ITGB8: variants seen among roughly 807,000 people sequenced by gnomAD.
ITGB8 encodes integrin beta-8.
ITGB8 carries 30 observed loss-of-function variants against 89.5 expected under a neutral mutation model. The observed-to-expected ratio is 0.34, with a 90% CI of 0.25 to 0.45. The LOEUF is 0.45. Among genes scored for constraint, ITGB8 ranks in the 20% least tolerant of loss-of-function variants. ITGB8 has a pLI of 1.00. For synonymous variants in ITGB8, 335 were observed against 320.4 expected (o/e 1.05, Z -0.49); for missense variants, 836 against 933.3 (o/e 0.90, Z 1.36).
At chr7:20,398,152 T>C (rs1787165571) in intron 8 of ITGB8, among the ~76,000 whole-genome samples, 1 of 152,208 alleles carries the variant, frequency 6.6e-6, no homozygotes, top group Non-Finnish European at 1.5e-5. Flanking sequence ...TGAATGAGTG[T>C]ATACATGGGT....
chr7:20,393,158 C>G (rs1193193412), intron 7 of ITGB8, among the ~76,000 whole-genome samples: 1 of 152,158 alleles, frequency 6.6e-6, no homozygotes, highest in East Asian at 1.9e-4. Context: ...TTTGAAATAC[C>G]ATGCAGCTTT....
chr7:20,372,192 G>A (rs1393890605), intron 3 of ITGB8, among the ~76,000 whole-genome samples: 2 of 152,088 alleles, frequency 1.3e-5, no homozygotes, highest in Non-Finnish European at 2.9e-5. Flanking sequence ...AAAATTATAA[G>A]TTGCATTTTT....
chr7:20,335,338 A>G (rs1348952081), intron 1 of ITGB8, among the ~76,000 whole-genome samples: 1 of 152,274 alleles, frequency 6.6e-6, no homozygotes, highest in East Asian at 1.9e-4. Context: ...TAGTTCTATT[A>G]TAGTTCCATT....
intron 1 of ITGB8, among the ~76,000 whole-genome samples, chr7:20,332,927 T>TC (rs1287404500): frequency 1.3e-5 from 2 of 148,586 alleles, no homozygotes; most frequent in African/African-American, 2.4e-5. Flanking sequence ...CATACTTTCT[T>TC]TTTTTTTTTT....
At chr7:20,349,838 A>G (rs969148111) in intron 1 of ITGB8, among the ~76,000 whole-genome samples, 1 of 152,190 alleles carries the variant, frequency 6.6e-6, no homozygotes, top group Non-Finnish European at 1.5e-5. Flanking sequence ...ATCTCAGTTA[A>G]TTTACAGTGC....
In ITGB8 at chr7:20,411,553, G is replaced by T. The variant is rs780923686; in HGVS notation, c.*1556G>T. ...GTGATAAAGTGGCCACATTGGAAAG[G>T]AGTTTTTATCTTCTCATTGTCAGGC... On this transcript the variant is annotated 3_prime_UTR_variant, in exon 14 of 14. Coordinates refer to ENST00000222573, the MANE Select transcript of ITGB8 (RefSeq NM_002214.3). The T allele has an allele frequency of 6.6e-6, 1 of 152,564 alleles. No individual in the cohort carries two copies. The highest frequency in any genetic ancestry group is 1.5e-5 in the Non-Finnish European group (1 of 68,034). The allele number at this position is 152,564 out of a possible 1,614,324, so 9.5% of individuals were successfully genotyped here.
chr7:20,389,420 T>G (rs772531564), intron 6 of ITGB8, among the ~76,000 whole-genome samples: 1 of 152,228 alleles, frequency 6.6e-6, no homozygotes, highest in Non-Finnish European at 1.5e-5. Context: ...TAGAACTTTC[T>G]AGATTTAAGT....
chr7:20,401,175 C>T (rs890594106), intron 9 of ITGB8, among the ~76,000 whole-genome samples: 10 of 152,090 alleles, frequency 6.6e-5, no homozygotes, highest in Non-Finnish European at 1.0e-4. Context: ...GATAGGGTTT[C>T]ACCATGTTGG....
chr7:20,397,919 C>T (rs1382902338), intron 8 of ITGB8, among the ~76,000 whole-genome samples: 1 of 151,908 alleles, frequency 6.6e-6, no homozygotes, highest in Non-Finnish European at 1.5e-5. Context: ...CCGCTGCTCA[C>T]TCTCTTTCTT....
rs1194575104 is a variant in ITGB8, at chr7:20,412,504, G to C, written c.*2507G>C. The C allele has an allele frequency of 1.3e-5, 2 of 152,474 alleles. No homozygotes were observed. Among genetic ancestry groups the C allele is most frequent in the Non-Finnish European group, 2.9e-5 (2 of 67,994 alleles). 9.4% of individuals were successfully genotyped at this position (152,474 alleles called of 1,614,324 possible). On this transcript the variant is annotated 3_prime_UTR_variant, in exon 14 of 14. Coordinates refer to ENST00000222573, the MANE Select transcript of ITGB8 (RefSeq NM_002214.3). ...CCGTATGGAATGAATTATCCAAAAAGAGTATAACAAAATGAAATCCTTAAA... is the reference window on the plus strand; with the variant it reads ...CCGTATGGAATGAATTATCCAAAAACAGTATAACAAAATGAAATCCTTAAA...
chr7:20,368,986 C>T lies in ITGB8; in HGVS notation c.388+1800C>T, dbSNP rs190380169. On this transcript the variant is annotated intron_variant, in intron 3 of 13. Transcript: ENST00000222573. Reference sequence around the variant, plus strand: ...AGGATCTTAATCCAGGCCATCGCCCCTTTCAGCACACATGTAATTCAATTA... The same window carrying T: ...AGGATCTTAATCCAGGCCATCGCCCTTTTCAGCACACATGTAATTCAATTA... 1.1e-4 allele frequency among the ~76,000 whole-genome samples: 17 copies of T among 152,282 alleles called. No individual in the cohort carries two copies. In the East Asian group the frequency reaches 2.9e-3, roughly 26 times the overall value.
intron 6 of ITGB8, among the ~76,000 whole-genome samples, chr7:20,385,559 G>A (rs1326658715): frequency 1.3e-5 from 2 of 152,180 alleles, no homozygotes; most frequent in African/African-American, 2.4e-5. Flanking sequence ...ATAGCATGGA[G>A]GCAGAATTGC....
chr7:20,411,943 T>G lies in ITGB8; in HGVS notation c.*1946T>G, dbSNP rs2127990107. 1 of 152,750 alleles carries G rather than the reference T, an allele frequency of 6.5e-6. No individual in the cohort carries two copies. The highest frequency in any genetic ancestry group is 1.5e-5 in the Non-Finnish European group (1 of 68,034). The allele number at this position is 152,750 out of a possible 1,614,324, so 9.5% of individuals were successfully genotyped here. The stretch of plus-strand genomic sequence containing the variant: ...TTATCCCTATGGACTTAGTCTGATT[T>G]TATTGGCTAGGAGTCTAACAGTCCT... On this transcript the variant is annotated 3_prime_UTR_variant, in exon 14 of 14. Coordinates refer to ENST00000222573, the MANE Select transcript of ITGB8 (RefSeq NM_002214.3).
Position 20,410,223 on chromosome 7 carries a change from TTG to T in ITGB8, c.*228_*229del, listed in dbSNP as rs879146601. 102 of 497,940 alleles carry T rather than the reference TTG, an allele frequency of 2.0e-4. 1 individual carries two copies. The South Asian group carries it at 2.3e-3, about 11-fold the overall frequency. 30.8% of individuals were successfully genotyped at this position (497,940 alleles called of 1,614,324 possible). ...TTACTACTGTTTGAGACTAGTGTCG[TTG>T]TAGCACTTTACTGTAATATATAACT... On this transcript the variant is annotated 3_prime_UTR_variant, in exon 14 of 14. Coordinates refer to ENST00000222573, the MANE Select transcript of ITGB8 (RefSeq NM_002214.3).
chr7:20,405,053 C>G (rs1307622935), intron 11 of ITGB8, among the ~76,000 whole-genome samples, 200 bp downstream of exon 11: 1 of 152,138 alleles, frequency 6.6e-6, no homozygotes, highest in Non-Finnish European at 1.5e-5. Context: ...CAGAGTATAT[C>G]TGGACACTCA....
intron 1 of ITGB8, among the ~76,000 whole-genome samples, chr7:20,347,237 A>G (rs902190600): frequency 3.9e-5 from 6 of 152,194 alleles, no homozygotes; most frequent in Non-Finnish European, 5.9e-5. Flanking sequence ...GCCTGAATGG[A>G]CTGAGATACT....
At chr7:20,337,998 G>C (rs1784632114) in intron 1 of ITGB8, among the ~76,000 whole-genome samples, 1 of 152,216 alleles carries the variant, frequency 6.6e-6, no homozygotes, top group Admixed American at 6.5e-5. Flanking sequence ...CATGCAAGCT[G>C]AAGTGTCCAT....
intron 6 of ITGB8, among the ~76,000 whole-genome samples, chr7:20,389,441 T>C (rs1034756001): frequency 1.3e-5 from 2 of 152,148 alleles, no homozygotes; most frequent in African/African-American, 4.8e-5. Flanking sequence ...TTTATGTACA[T>C]TTGGTCAAAG....
intron 1 of ITGB8, among the ~76,000 whole-genome samples, chr7:20,341,680 G>A (rs572917900): frequency 4.6e-5 from 7 of 152,276 alleles, no homozygotes; most frequent in African/African-American, 1.4e-4. Context: ...GCCAGCTGGA[G>A]ATTGGGCCCA....
Sources: gnomAD v4.1 joint callset for allele counts (sites outside exome capture counted in the v4.1 genomes callset) on GRCh38, gnomAD v4.1.1 for gene constraint, MANE v1.5 for transcripts, NCBI Gene and HGNC (gene_info 2026-07-23, HGNC 2026-07-21) for gene names.